SS18: variants seen among roughly 807,000 people sequenced by gnomAD.
The protein encoded by SS18 is protein SSXT.
SS18 carries 28 observed loss-of-function variants against 72.5 expected under a neutral mutation model. The ratio of observed to expected loss-of-function variants is 0.39; its 90% CI spans 0.29 to 0.53. SS18 has a LOEUF of 0.53. Among genes scored for constraint, SS18 ranks in the 20% least tolerant of loss-of-function variants. The probability of loss-of-function intolerance (pLI) is 0.76; values close to 1 mark genes in which losing one functional copy is unlikely to be tolerated. For missense variants in SS18, 518 were observed against 535.3 expected (o/e 0.97, Z 0.32); for synonymous variants, 172 against 164.2 (o/e 1.05, Z -0.37).
rs2053610459 is a variant in SS18, at chr18:26,035,420, AT to A, written c.974-294del. ...TAAGATCATGACTATGCTAAATAAA[AT>A]AAAAAAGACAAAATTAAAGACAGCT... On this transcript the variant is annotated intron_variant, in intron 8 of 10. Transcript: ENST00000415083. The surrounding 1 kb of genome is among the most constrained non-coding windows in gnomAD (Gnocchi z 4.4). The A allele has an allele frequency of 8.9e-6, 3 of 335,724 alleles. No individual in the cohort carries two copies. Among genetic ancestry groups the A allele is most frequent in the Non-Finnish European group, 1.6e-5 (3 of 181,952 alleles). 20.8% of individuals were successfully genotyped at this position (335,724 alleles called of 1,614,324 possible). A position where few individuals can be genotyped will look rare whatever the true frequency, so the allele number is the denominator to read the frequency against.
chr18:26,047,255 A>C (rs2053839491), intron 5 of SS18, among the ~76,000 whole-genome samples: 1 of 131,418 alleles, frequency 7.6e-6, no homozygotes, highest in Non-Finnish European at 1.6e-5. Context: ...GGAAAGTAAT[A>C]TGCCAAAAAA....
intron 3 of SS18, among the ~76,000 whole-genome samples, chr18:26,065,547 T>A (rs1019835547): frequency 6.6e-6 from 1 of 151,964 alleles, no homozygotes; most frequent in Non-Finnish European, 1.5e-5. Flanking sequence ...GGATCATGAA[T>A]AAACTAACTT....
At chr18:26,057,374 G>C (rs2054039345) in intron 4 of SS18, among the ~76,000 whole-genome samples, 1 of 152,172 alleles carries the variant, frequency 6.6e-6, no homozygotes, top group Non-Finnish European at 1.5e-5. Flanking sequence ...TTCATCAGAG[G>C]AATGGTGTGT....
chr18:26,023,835 TA>T (rs1320964452), intron 10 of SS18, among the ~76,000 whole-genome samples: 2 of 139,792 alleles, frequency 1.4e-5, no homozygotes, highest in African/African-American at 6.5e-5. Context: ...TGGGTCAATT[TA>T]AAAATTTTTT....
At chr18:26,025,405 T>C (rs1048645540) in intron 10 of SS18, among the ~76,000 whole-genome samples, 6 of 151,526 alleles carry the variant, frequency 4.0e-5, no homozygotes, top group South Asian at 4.2e-4. Flanking sequence ...GAAAAGCAAA[T>C]GGGCAAAAGG....
At chr18:26,055,751 GTT>G (rs201307664) in intron 4 of SS18, among the ~76,000 whole-genome samples, 1 of 126,764 alleles carries the variant, frequency 7.9e-6, no homozygotes. Flanking sequence ...AATTCTTTCT[GTT>G]TTTTTTTTTT....
chr18:26,083,560 G>A (rs778324033), intron 2 of SS18, among the ~76,000 whole-genome samples: 1 of 152,098 alleles, frequency 6.6e-6, no homozygotes, highest in Non-Finnish European at 1.5e-5. Context: ...CTACAAACCT[G>A]AAAAGCCTTT....
chr18:26,039,745 G>GTTCATCC (rs2053691587), intron 5 of SS18, among the ~76,000 whole-genome samples: 2 of 152,038 alleles, frequency 1.3e-5, no homozygotes, highest in Admixed American at 1.3e-4. Context: ...CATCCTGAAT[G>GTTCATCC]TGTGTATTTT....
intron 10 of SS18, among the ~76,000 whole-genome samples, chr18:26,018,886 A>C (rs1204796082): frequency 1.3e-5 from 2 of 152,230 alleles, no homozygotes; most frequent in East Asian, 1.9e-4. Flanking sequence ...TCCATACCAA[A>C]ATAATTGAGC....
intron 7 of SS18, among the ~76,000 whole-genome samples, chr18:26,037,131 A>C (rs961530328): frequency 6.6e-6 from 1 of 152,150 alleles, no homozygotes; most frequent in Non-Finnish European, 1.5e-5. Flanking sequence ...TAAATGTCAG[A>C]TATAAAGTAA....
At chr18:26,061,461 CAG>C (rs1276092369) in intron 3 of SS18, among the ~76,000 whole-genome samples, 4 of 151,884 alleles carry the variant, frequency 2.6e-5, no homozygotes, top group Non-Finnish European at 4.4e-5. Flanking sequence ...AACAGCAAAA[CAG>C]AGATTTAATG....
chr18:26,079,189 T>A (rs1306263061), intron 2 of SS18: 1 of 152,188 alleles, frequency 6.6e-6, no homozygotes, highest in Non-Finnish European at 1.5e-5. Context: ...CCAACAACAC[T>A]CAAGATTAAC....
intron 1 of SS18, 82 bp downstream of exon 1, chr18:26,090,419 C>T: frequency 7.0e-7 from 1 of 1,426,548 alleles, no homozygotes. Context: ...GCCCGGTCGA[C>T]TCCGGGCCCG....
Position 26,018,283 on chromosome 18 carries a change from G to A in SS18, c.*71C>T. On this transcript the variant is annotated 3_prime_UTR_variant, in exon 11 of 11. Transcript: ENST00000415083. ...TGGAATGGAAGGATCTCTTCACAGG[G>A]AGGTGTCCACAGTGCTGAGGTGACA... is the stretch of plus-strand genomic sequence containing the variant. The A allele has an allele frequency of 7.8e-7, 1 of 1,289,200 alleles. No individual in the cohort carries two copies. 79.9% of individuals were successfully genotyped at this position (1,289,200 alleles called of 1,614,324 possible). A position where few individuals can be genotyped will look rare whatever the true frequency, so the allele number is the denominator to read the frequency against.
chr18:26,040,609 T>C (rs2053706222), intron 5 of SS18, among the ~76,000 whole-genome samples: 1 of 152,136 alleles, frequency 6.6e-6, no homozygotes, highest in African/African-American at 2.4e-5. Flanking sequence ...CAAGCCCACC[T>C]CTTCAAATAT....
chr18:26,073,007 T>C (rs1035361028), intron 3 of SS18, among the ~76,000 whole-genome samples: 1 of 152,030 alleles, frequency 6.6e-6, no homozygotes, highest in African/African-American at 2.4e-5. Context: ...AATAGACATA[T>C]ATAGAACTCT....
At chr18:26,090,320 G>T (rs1178448422) in intron 1 of SS18, among the ~76,000 whole-genome samples, 181 bp downstream of exon 1, 6 of 152,160 alleles carry the variant, frequency 3.9e-5, no homozygotes, top group Non-Finnish European at 7.4e-5. Context: ...AGAAAAACCG[G>T]TTCACCCTCT....
chr18:26,028,101 T>TA (rs1252450399), intron 10 of SS18, among the ~76,000 whole-genome samples: 1 of 151,116 alleles, frequency 6.6e-6, no homozygotes, highest in South Asian at 2.1e-4. Context: ...TACTCAATAA[T>TA]AAAAAAAATA....
intron 3 of SS18, among the ~76,000 whole-genome samples, chr18:26,058,259 T>C (rs1292672174): frequency 2.0e-5 from 3 of 152,198 alleles, no homozygotes; most frequent in African/African-American, 7.2e-5. Context: ...CTGCTATAGA[T>C]TGGAAACATT....
Sources: gnomAD v4.1 joint callset for allele counts (sites outside exome capture counted in the v4.1 genomes callset) on GRCh38, gnomAD v4.1.1 for gene constraint, Gnocchi (gnomAD v3.1) non-coding constraint, MANE v1.5 for transcripts, NCBI Gene and HGNC (gene_info 2026-07-23, HGNC 2026-07-21) for gene names.